MS4A6E: variants seen among roughly 807,000 people sequenced by gnomAD.
MS4A6E encodes the protein membrane-spanning 4-domains subfamily A member 6E.
MS4A6E carries 8 observed loss-of-function variants against 13.2 expected under a neutral mutation model. That is an observed-to-expected ratio of 0.60 (90% CI 0.35 to 1.09). MS4A6E has a LOEUF of 1.09. Ranked by LOEUF, MS4A6E falls within the 50% of genes least tolerant of loss-of-function variation. MS4A6E has a pLI of 0.02. For synonymous variants in MS4A6E, 72 were observed against 67.6 expected (o/e 1.06, Z -0.32); for missense variants, 177 against 171.1 (o/e 1.03, Z -0.19).
chr11:60,336,763 A>G (rs1430698535), intron 2 of MS4A6E, among the ~76,000 whole-genome samples: 1 of 152,174 alleles, frequency 6.6e-6, no homozygotes, highest in Non-Finnish European at 1.5e-5. Context: ...ATAACACTCT[A>G]CTGTATGGCT....
At chr11:60,337,244 T>C (rs890771892) in intron 2 of MS4A6E, among the ~76,000 whole-genome samples, 1 of 152,184 alleles carries the variant, frequency 6.6e-6, no homozygotes, top group Non-Finnish European at 1.5e-5. Flanking sequence ...ATTAGGTTGG[T>C]GCAAAGGTAA....
intron 1 of MS4A6E, among the ~76,000 whole-genome samples, chr11:60,331,346 A>G (rs542389802): frequency 1.3e-5 from 2 of 152,268 alleles, no homozygotes; most frequent in East Asian, 3.9e-4. Context: ...TATATAAATA[A>G]ACACATAAAT....
Position 60,329,916 on chromosome 11 carries a change from G to C in MS4A6E, c.-15+2508G>C, listed in dbSNP as rs1449473236. On this transcript the variant is annotated intron_variant, in intron 1 of 4. Transcript: ENST00000684409. ...TCTCAGCTCACTGCTACCTCTGCCT[G>C]CTGGGTTCAAGTGATTCTCCTGCCT... is the stretch of plus-strand genomic sequence containing the variant. Among the ~76,000 whole-genome samples, 3 of 149,672 alleles carry C rather than the reference G, an allele frequency of 2.0e-5. No individual in the cohort carries two copies. The Admixed American group carries it at 2.0e-4, about 10-fold the overall frequency.
At chr11:60,336,153 C>G (rs2085187376) in intron 2 of MS4A6E, among the ~76,000 whole-genome samples, 1 of 152,142 alleles carries the variant, frequency 6.6e-6, no homozygotes, top group South Asian at 2.1e-4. Context: ...CAATCCAACA[C>G]TAGATCTGTG....
chr11:60,329,368 C>T (rs1176530375), intron 1 of MS4A6E, among the ~76,000 whole-genome samples: 2 of 152,082 alleles, frequency 1.3e-5, no homozygotes, highest in Non-Finnish European at 2.9e-5. Context: ...ATATATGTGC[C>T]ACATTTTCTT....
At chr11:60,347,546 A>G (rs1353373809) in intron 4 of MS4A6E, among the ~76,000 whole-genome samples, 2 of 151,790 alleles carry the variant, frequency 1.3e-5, no homozygotes, top group East Asian at 3.9e-4. Flanking sequence ...ATTCAGGCCA[A>G]AGACAATCTG....
downstream of MS4A6E, among the ~76,000 whole-genome samples, chr11:60,344,009 C>T (rs1230667853): frequency 3.3e-5 from 5 of 152,118 alleles, no homozygotes; most frequent in African/African-American, 1.2e-4. Context: ...AAAGGTGATC[C>T]TATTTCTTGG....
chr11:60,343,859 G>A (rs969808352), downstream of MS4A6E, among the ~76,000 whole-genome samples: 11 of 152,210 alleles, frequency 7.2e-5, no homozygotes, highest in African/African-American at 2.7e-4. Flanking sequence ...TGACTGGAGT[G>A]TGATGTATGC....
chr11:60,332,195 T>A (rs1161989083), intron 1 of MS4A6E, among the ~76,000 whole-genome samples: 1 of 152,232 alleles, frequency 6.6e-6, no homozygotes, highest in Non-Finnish European at 1.5e-5. Context: ...TTTCACTGAA[T>A]GGTGTTAGTA....
chr11:60,346,041 G>A (rs1201467148), downstream of MS4A6E, among the ~76,000 whole-genome samples: 2 of 152,140 alleles, frequency 1.3e-5, no homozygotes, highest in African/African-American at 4.8e-5. Context: ...GTTCATGACA[G>A]TTTGAGCCAC....
chr11:60,335,886 G>C (rs1177344576), intron 2 of MS4A6E, among the ~76,000 whole-genome samples: 1 of 152,172 alleles, frequency 6.6e-6, no homozygotes. Flanking sequence ...AGTTTGCTAA[G>C]GGTGGTGGCC....
At chr11:60,345,910 C>T (rs772431561), downstream of MS4A6E, among the ~76,000 whole-genome samples, 8 of 152,158 alleles carry the variant, frequency 5.3e-5, no homozygotes, top group Non-Finnish European at 8.8e-5. Context: ...ATGCCCCTCA[C>T]GTTCATGCTA....
In MS4A6E at chr11:60,340,826, G is replaced by A. The variant is rs2085219752; in HGVS notation, c.*60G>A. ...ATGATGCTGGATATGAAGAACTATTGACTTCTTGGGAAAAAACGGAGAAAT... is the reference window on the plus strand; with the variant it reads ...ATGATGCTGGATATGAAGAACTATTAACTTCTTGGGAAAAAACGGAGAAAT... On this transcript the variant is annotated 3_prime_UTR_variant, in exon 5 of 5. Coordinates refer to ENST00000684409, the MANE Select transcript of MS4A6E (RefSeq NM_139249.4). The A allele has an allele frequency of 5.3e-6, 1 of 190,454 alleles. No individual in the cohort carries two copies. Among genetic ancestry groups the A allele is most frequent in the South Asian group, 1.1e-4 (1 of 9,126 alleles). The allele number at this position is 190,454 out of a possible 1,614,324, so 11.8% of individuals were successfully genotyped here.
At chr11:60,341,348 T>C (rs1226155495), downstream of MS4A6E, among the ~76,000 whole-genome samples, 1 of 152,206 alleles carries the variant, frequency 6.6e-6, no homozygotes, top group Non-Finnish European at 1.5e-5. Context: ...TTTATTTTAA[T>C]ACTTATTTTG....
chr11:60,337,930 G>A lies in MS4A6E; in HGVS notation c.337G>A (p.Ala113Thr). The A allele has an allele frequency of 1.9e-6, 3 of 1,614,150 alleles. No homozygotes were observed. Among genetic ancestry groups the A allele is most frequent in the African/African-American group, 2.7e-5 (2 of 75,040 alleles). Residue 113 changes from alanine (A) to threonine (T), a missense_variant, in exon 3 of 5, where the codon GCC (alanine) becomes ACC (threonine). Coordinates refer to ENST00000684409, the MANE Select transcript of MS4A6E (RefSeq NM_139249.4). Reference protein sequence around the residue: ...HSPYTMDCHRAKASLAGTLSL... With the variant: ...HSPYTMDCHRTKASLAGTLSL... Reference sequence around the variant, plus strand: ...ACCTTACACCATGGACTGCCATAGAGCCAAAGCCAGTCTGGCTGTAAGTAT... The same window carrying A: ...ACCTTACACCATGGACTGCCATAGAACCAAAGCCAGTCTGGCTGTAAGTAT...
rs920798083 is a variant in MS4A6E, at chr11:60,346,804, T to TA, written c.*162+5882dup. On this transcript the variant is annotated intron_variant and NMD_transcript_variant, in intron 4 of 4. Transcript: ENST00000532756. ...TCCTTTTCTCCTTTTCAGTCTACTA[T>TA]AAAAAACATGTTGTTCATCTCCAAA... Among the ~76,000 whole-genome samples, 26 of 152,292 alleles carry TA rather than the reference T, an allele frequency of 1.7e-4. No individual in the cohort carries two copies. The East Asian group carries it at 1.9e-3, about 11-fold the overall frequency.
chr11:60,344,029 T>A (rs1469369618), downstream of MS4A6E, among the ~76,000 whole-genome samples: 1 of 152,158 alleles, frequency 6.6e-6, no homozygotes, highest in Non-Finnish European at 1.5e-5. Flanking sequence ...GAGTTGGGCT[T>A]TTGCTAACTG....
chr11:60,331,044 T>C (rs2085152727), intron 1 of MS4A6E, among the ~76,000 whole-genome samples: 1 of 152,078 alleles, frequency 6.6e-6, no homozygotes, highest in Non-Finnish European at 1.5e-5. Flanking sequence ...TTGAAGTCAG[T>C]AGTAACCATT....
chr11:60,331,781 G>A (rs1185060166), intron 1 of MS4A6E, among the ~76,000 whole-genome samples: 2 of 152,258 alleles, frequency 1.3e-5, no homozygotes, highest in South Asian at 2.1e-4. Context: ...ATTAAAAAGT[G>A]GGGCCTTTGC....
Sources: allele counts gnomAD v4.1 joint callset (sites outside exome capture counted in the v4.1 genomes callset), GRCh38; gene constraint gnomAD v4.1.1; transcripts MANE v1.5; gene names NCBI Gene and HGNC (gene_info 2026-07-23, HGNC 2026-07-21).